The following RERE variants were observed in gnomAD, a reference collection of about 807,000 sequenced individuals.
RERE encodes arginine-glutamic acid dipeptide repeats protein.
In RERE, 40 loss-of-function variants were observed where a neutral mutation model predicts 146.1. The observed-to-expected ratio is 0.27, with a 90% CI of 0.21 to 0.36. The LOEUF is 0.36. Among genes scored for constraint, RERE ranks in the 10% least tolerant of loss-of-function variants. RERE has a pLI of 1.00. For synonymous variants in RERE, 1,003 were observed against 866.0 expected (o/e 1.16, Z -2.78); for missense variants, 1,933 against 2,138.7 (o/e 0.90, Z 1.90).
intron 1 of RERE, among the ~76,000 whole-genome samples, chr1:8,698,446 T>C (rs1289994630): frequency 6.6e-6 from 1 of 152,194 alleles, no homozygotes; most frequent in Non-Finnish European, 1.5e-5. Flanking sequence ...GCACACACCA[T>C]CTGGAGGCTT....
intron 12 of RERE, among the ~76,000 whole-genome samples, chr1:8,386,146 A>G (rs1017397582): frequency 1.4e-5 from 2 of 147,948 alleles, no homozygotes; most frequent in Non-Finnish European, 3.0e-5. Flanking sequence ...ATGAATACTT[A>G]TATCCCAACT....
intron 3 of RERE, among the ~76,000 whole-genome samples, chr1:8,617,266 C>A (rs961967111): frequency 1.4e-5 from 2 of 143,096 alleles, no homozygotes; most frequent in Non-Finnish European, 3.0e-5. Flanking sequence ...ATCGCTTGAA[C>A]CCAGAGGCGG....
chr1:8,432,042 TCTC>T (rs1644102593), intron 11 of RERE, among the ~76,000 whole-genome samples: 1 of 152,182 alleles, frequency 6.6e-6, no homozygotes, highest in East Asian at 1.9e-4. Flanking sequence ...ACTGCACTGG[TCTC>T]CTCCCTGGCC....
chr1:8,552,839 C>A (rs181278966), intron 6 of RERE, among the ~76,000 whole-genome samples: 1 of 151,774 alleles, frequency 6.6e-6, no homozygotes, highest in Non-Finnish European at 1.5e-5. Context: ...TAGGGAAGTG[C>A]GTCCACACAC....
At chr1:8,430,641 T>C (rs1644083659) in intron 11 of RERE, among the ~76,000 whole-genome samples, 1 of 152,156 alleles carries the variant, frequency 6.6e-6, no homozygotes, top group South Asian at 2.1e-4. Flanking sequence ...CCTCCTCAAG[T>C]AGCAACTCAT....
At chr1:8,694,023 C>G (rs975231651) in intron 1 of RERE, among the ~76,000 whole-genome samples, 1 of 113,016 alleles carries the variant, frequency 8.8e-6, no homozygotes, top group African/African-American at 3.4e-5. Context: ...CACCAATTTT[C>G]TTTCCCAAAA....
intron 7 of RERE, among the ~76,000 whole-genome samples, chr1:8,520,273 G>A (rs576588520): frequency 1.3e-5 from 2 of 152,122 alleles, no homozygotes; most frequent in Non-Finnish European, 2.9e-5. Context: ...CAAGGCCTGA[G>A]GAAAGAAAAG....
At chr1:8,545,378 G>C (rs188283268) in intron 6 of RERE, among the ~76,000 whole-genome samples, 1 of 152,170 alleles carries the variant, frequency 6.6e-6, no homozygotes, top group East Asian at 1.9e-4. Flanking sequence ...GGGTCTTCTG[G>C]CTACCAAGAG....
At chr1:8,590,784 C>T (rs578158590) in intron 4 of RERE, 1 of 152,232 alleles carries the variant, frequency 6.6e-6, no homozygotes, top group Non-Finnish European at 1.5e-5. Context: ...CCTTCACTTA[C>T]CTGTGAGGTT....
At chr1:8,778,740 G>A (rs972727962) in intron 1 of RERE, among the ~76,000 whole-genome samples, 9 of 152,058 alleles carry the variant, frequency 5.9e-5, no homozygotes, top group African/African-American at 1.9e-4. Context: ...GGAGGCTGAG[G>A]AGGGAGGATC....
chr1:8,574,180 C>T (rs1646259512), intron 4 of RERE, among the ~76,000 whole-genome samples: 1 of 152,068 alleles, frequency 6.6e-6, no homozygotes, highest in East Asian at 1.9e-4. Context: ...ATTTGACCCA[C>T]AGACTATTTA....
At chr1:8,372,543 T>TGTGTGTGTG (rs6143112) in intron 12 of RERE, among the ~76,000 whole-genome samples, 33 of 150,690 alleles carry the variant, frequency 2.2e-4, no homozygotes, top group African/African-American at 2.7e-4. Context: ...TGTGTGTGTG[T>TGTGTGTGTG]TTTAAATTAA....
intron 4 of RERE, among the ~76,000 whole-genome samples, chr1:8,608,478 TG>T (rs1460604509): frequency 6.6e-6 from 1 of 152,142 alleles, no homozygotes; most frequent in Non-Finnish European, 1.5e-5. Flanking sequence ...CACCCCTGCC[TG>T]GGTGACAGAG....
chr1:8,585,162 G>C (rs202082291), intron 4 of RERE, among the ~76,000 whole-genome samples: 24 of 113,354 alleles, frequency 2.1e-4, no homozygotes, highest in Non-Finnish European at 3.3e-4. Context: ...AAAAAAAAAA[G>C]AAGTAATTAC....
At chr1:8,726,147 CTTTTTTTTTTTTTTT>C (rs70985511) in intron 1 of RERE, among the ~76,000 whole-genome samples, 1 of 69,406 alleles carries the variant, frequency 1.4e-5, no homozygotes, top group Non-Finnish European at 2.5e-5. Context: ...TTTTTCTTTT[CTTTTTTTTTTTTTTT>C]TTTTTTTTTT....
At chr1:8,607,130 G>T (rs545598657) in intron 4 of RERE, among the ~76,000 whole-genome samples, 8 of 152,216 alleles carry the variant, frequency 5.3e-5, no homozygotes, top group African/African-American at 1.9e-4. Flanking sequence ...AGAGACTGAG[G>T]CAGGTGAATT....
chr1:8,699,504 T>C (rs993899592), intron 1 of RERE, among the ~76,000 whole-genome samples: 1 of 152,226 alleles, frequency 6.6e-6, no homozygotes, highest in Non-Finnish European at 1.5e-5. Flanking sequence ...ATGGATTAAT[T>C]AGATTTTAGA....
intron 4 of RERE, chr1:8,590,907 T>C (rs1259285155): frequency 3.3e-5 from 5 of 152,246 alleles, no homozygotes; most frequent in Admixed American, 3.3e-4. Flanking sequence ...GCAGTTTCTT[T>C]TTCTAGAAAC....
intron 7 of RERE, among the ~76,000 whole-genome samples, chr1:8,510,569 A>G (rs1429758711): frequency 6.6e-6 from 1 of 152,232 alleles, no homozygotes; most frequent in East Asian, 1.9e-4. Flanking sequence ...ATCAGCCACA[A>G]GTTATTTTAA....
Sources: allele counts gnomAD v4.1 joint callset (sites outside exome capture counted in the v4.1 genomes callset), GRCh38; gene constraint gnomAD v4.1.1; transcripts MANE v1.5; gene names NCBI Gene and HGNC (gene_info 2026-07-23, HGNC 2026-07-21).